Variants in CPS1 observed in about 807,000 individuals in gnomAD.
The protein encoded by CPS1 is carbamoyl-phosphate synthase [ammonia], mitochondrial.
A neutral mutation model predicts 174.6 loss-of-function variants in CPS1; 109 were observed. That is an observed-to-expected ratio of 0.62 (90% confidence interval 0.53 to 0.73). The LOEUF (loss-of-function observed/expected upper bound fraction) is 0.73, where lower values mean the gene tolerates loss of function less well. Ranked by LOEUF, CPS1 falls within the 30% of genes least tolerant of loss-of-function variation. The probability of loss-of-function intolerance (pLI) is 0.00; values close to 1 mark genes in which losing one functional copy is unlikely to be tolerated. For missense variants in CPS1, 1,689 were observed against 1,821.9 expected (o/e 0.93, Z 1.33); for synonymous variants, 637 against 632.0 (o/e 1.01, Z -0.12).
intron 33 of CPS1, among the ~76,000 whole-genome samples, chr2:210,666,375 G>T (rs563771191): frequency 1.1e-3 from 159 of 150,976 alleles, no homozygotes; most frequent in African/African-American, 3.6e-3. Flanking sequence ...CATTGCTTTT[G>T]GTGTTTTGGA....
At chr2:210,507,297 A>G (rs893448430) in intron 1 of CPS1, among the ~76,000 whole-genome samples, 1 of 152,190 alleles carries the variant, frequency 6.6e-6, no homozygotes, top group African/African-American at 2.4e-5. Flanking sequence ...AGTGAAGGAG[A>G]AATAAAATAC....
chr2:210,656,506 T>A lies in CPS1; in HGVS notation c.3559-19T>A, dbSNP rs1410383897. 1 of 928,938 alleles carries A rather than the reference T, an allele frequency of 1.1e-6. No homozygotes were observed. Among genetic ancestry groups the A allele is most frequent in the Admixed American group, 2.8e-5 (1 of 35,148 alleles). The allele number at this position is 928,938 out of a possible 1,614,324, so 57.5% of individuals were successfully genotyped here. ...CCTGAAAACTTTTTCTAAAATCCTT[T>A]TTTTTTTTTTTTGGCCAGGTTATCT... On this transcript the variant is annotated intron_variant, in intron 29 of 37. Transcript: ENST00000233072.
intron 1 of CPS1, among the ~76,000 whole-genome samples, chr2:210,542,796 G>A (rs1278055775): frequency 6.6e-6 from 1 of 151,990 alleles, no homozygotes; most frequent in East Asian, 1.9e-4. Flanking sequence ...CTTTCACTTA[G>A]CTGCTTTTCT....
At chr2:210,477,870 T>G (rs1315195855) in intron 1 of CPS1, 2 of 1,313,894 alleles carry the variant, frequency 1.5e-6, no homozygotes, top group Admixed American at 3.9e-5. Context: ...TCAATTATTT[T>G]TTCTTTAATG....
At chr2:210,511,047 C>T (rs562350229) in intron 1 of CPS1, among the ~76,000 whole-genome samples, 22 of 149,978 alleles carry the variant, frequency 1.5e-4, no homozygotes, top group Non-Finnish European at 1.8e-4. Flanking sequence ...ATCCAAAGGA[C>T]TATAAATCAT....
intron 17 of CPS1, 117 bp from the exon 18 acceptor site, chr2:210,606,614 T>C: frequency 1.1e-6 from 1 of 923,300 alleles, no homozygotes. Context: ...ATCACATATA[T>C]ATCCCAACAA....
At chr2:210,489,891 G>A (rs538683088) in intron 1 of CPS1, among the ~76,000 whole-genome samples, 1 of 151,790 alleles carries the variant, frequency 6.6e-6, no homozygotes, top group Admixed American at 6.6e-5. Flanking sequence ...CCAGCTACTT[G>A]GGAGGCTGAG....
Position 210,491,307 on chromosome 2 carries a change from G to GTTT in CPS1, c.3+13570_3+13572dup, listed in dbSNP as rs66825517. Among the ~76,000 whole-genome samples the GTTT allele has an allele frequency of 4.6e-3, 231 of 50,324 alleles. 36 individuals carry two copies. Among genetic ancestry groups the GTTT allele is most frequent in the Middle Eastern group, 0.014 (1 of 74 alleles). The allele number at this position is 50,324 out of a possible 152,430, so 33.0% of individuals were successfully genotyped here. ...GTAAAAGCATGTATTTGGTATCTGT[G>GTTT]TTTTTTTTTTTTTTTTTTTTTTTTT... On this transcript the variant is annotated intron_variant, in intron 1 of 38. Transcript: ENST00000430249.
chr2:210,616,015 A>T (rs1000870239), intron 20 of CPS1, among the ~76,000 whole-genome samples: 1 of 152,052 alleles, frequency 6.6e-6, no homozygotes, highest in Non-Finnish European at 1.5e-5. Context: ...AACTATCAAC[A>T]CTACAAGTTA....
chr2:210,678,031 T>C lies in CPS1; in HGVS notation c.*46T>C. 2.2e-6 allele frequency: 3 copies of C among 1,384,472 alleles called. No homozygotes were observed. Among genetic ancestry groups the C allele is most frequent in the South Asian group, 2.3e-5 (2 of 86,444 alleles). 85.8% of individuals were successfully genotyped at this position (1,384,472 alleles called of 1,614,324 possible). ...CATTATTAAATCAACCTGAGCCACATGTTATCTAAAGGAACTGATTCACAA... is the reference window on the plus strand; with the variant it reads ...CATTATTAAATCAACCTGAGCCACACGTTATCTAAAGGAACTGATTCACAA... On this transcript the variant is annotated 3_prime_UTR_variant, in exon 38 of 38. Transcript: ENST00000233072.
intron 1 of CPS1, among the ~76,000 whole-genome samples, chr2:210,497,858 T>A (rs556202742): frequency 7.4e-6 from 1 of 134,634 alleles, no homozygotes; most frequent in South Asian, 2.5e-4. Context: ...AATATGTGCA[T>A]GCATGTGTCT....
At chr2:210,636,671 A>C (rs1370351151) in intron 21 of CPS1, among the ~76,000 whole-genome samples, 1 of 152,042 alleles carries the variant, frequency 6.6e-6, no homozygotes, top group Non-Finnish European at 1.5e-5. Context: ...TTCTATGTCC[A>C]TCGTTCCAAG....
rs1409703110 is a variant in CPS1, at chr2:210,605,117, A to C, written c.1852A>C (p.Asn618His). 3 of 1,611,970 alleles carry C rather than the reference A, an allele frequency of 1.9e-6. No homozygotes were observed. Among genetic ancestry groups the C allele is most frequent in the Non-Finnish European group, 2.5e-6 (3 of 1,178,638 alleles). The change falls in exon 17 of 38, where the codon AAC (asparagine) becomes CAC (histidine). Residue 618 changes from asparagine (N) to histidine (H), a missense_variant. Transcript: ENST00000233072. Reference protein sequence around the residue: ...DLSTKAFAMTNQILVEKSVTG... With the variant: ...DLSTKAFAMTHQILVEKSVTG... ...CAATTTCTAGGCCTTTGCTATGACC[A>C]ACCAAATTCTGGTGGAGAAGTCAGT... is the stretch of plus-strand genomic sequence containing the variant.
In CPS1 at chr2:210,556,688, A is replaced by G. The variant is rs1331780089; in HGVS notation, c.-46A>G. 1 of 1,600,292 alleles carries G rather than the reference A, an allele frequency of 6.2e-7. No individual in the cohort carries two copies. Among genetic ancestry groups the G allele is most frequent in the African/African-American group, 1.4e-5 (1 of 74,046 alleles). On this transcript the variant is annotated 5_prime_UTR_variant, in exon 1 of 38. Coordinates refer to ENST00000233072, the MANE Select transcript of CPS1 (RefSeq NM_001875.5). ...CTAAAAAGTCTTATCACACAATCTCATAAAATTTATGTAATTTCATTTAAT... is the reference window on the plus strand; with the variant it reads ...CTAAAAAGTCTTATCACACAATCTCGTAAAATTTATGTAATTTCATTTAAT...
chr2:210,611,177 T>G (rs183240894), intron 19 of CPS1, among the ~76,000 whole-genome samples: 114 of 152,050 alleles, frequency 7.5e-4, no homozygotes, highest in African/African-American at 2.4e-3. Flanking sequence ...CTAATTAAAT[T>G]TGGAACAGTG....
Position 210,577,453 on chromosome 2 carries a change from A to T in CPS1, c.414A>T (p.Lys138Asn). 6.2e-7 allele frequency: 1 copy of T among 1,613,928 alleles called. No individual in the cohort carries two copies. Among genetic ancestry groups the T allele is most frequent in the Non-Finnish European group, 8.5e-7 (1 of 1,179,880 alleles). ...VSGLLVLDYSKDYNHWLATKS... is the reference protein window; with the variant it reads ...VSGLLVLDYSNDYNHWLATKS... ...GTTTGCTGGTGCTGGATTATAGTAA[A>T]GACTACAACCACTGGCTGGCTACCA... Residue 138 changes from lysine (K) to asparagine (N), a missense_variant, in exon 4 of 38, where the codon AAA (lysine) becomes AAT (asparagine). Transcript: ENST00000233072.
intron 23 of CPS1, 93 bp downstream of exon 23, chr2:210,639,308 T>G: frequency 9.5e-7 from 1 of 1,053,096 alleles, no homozygotes; most frequent in Non-Finnish European, 1.5e-6. Flanking sequence ...TTTGGATATC[T>G]AGGTAATAAA....
chr2:210,500,587 A>G (rs1437072690), intron 1 of CPS1, among the ~76,000 whole-genome samples: 2 of 152,224 alleles, frequency 1.3e-5, no homozygotes, highest in Non-Finnish European at 2.9e-5. Context: ...TTAAAGCTCC[A>G]AAATGATCTC....
At chr2:210,499,172 C>T (rs1013986313) in intron 1 of CPS1, among the ~76,000 whole-genome samples, 2 of 152,090 alleles carry the variant, frequency 1.3e-5, no homozygotes, top group Non-Finnish European at 2.9e-5. Flanking sequence ...GATCTCTGCA[C>T]AGGCAGGGTG....
Sources: gnomAD v4.1 joint callset for allele counts (sites outside exome capture counted in the v4.1 genomes callset) on GRCh38, gnomAD v4.1.1 for gene constraint, MANE v1.5 for transcripts, NCBI Gene and HGNC (gene_info 2026-07-23, HGNC 2026-07-21) for gene names.